STXBP4: variants seen among roughly 807,000 people sequenced by gnomAD.
STXBP4 encodes syntaxin-binding protein 4.
In STXBP4, 55 loss-of-function variants were observed where a neutral mutation model predicts 76.1. That is an observed-to-expected ratio of 0.72 (90% CI 0.58 to 0.91). The LOEUF (loss-of-function observed/expected upper bound fraction) is 0.91, where lower values mean the gene tolerates loss of function less well. Ranked by LOEUF, STXBP4 falls within the 40% of genes least tolerant of loss-of-function variation. The pLI, the probability that STXBP4 is intolerant of heterozygous loss-of-function variation, is 0.00. For synonymous variants in STXBP4, 201 were observed against 220.2 expected, an observed-to-expected ratio of 0.91 and a Z score of 0.77; for missense variants, 618 against 636.9, an observed-to-expected ratio of 0.97 and a Z score of 0.32.
At chr17:55,190,074 G>A in the STXBP4 span, among the ~76,000 whole-genome samples, 1 of 152,272 alleles carries the variant, frequency 6.6e-6, no homozygotes, top group East Asian at 1.9e-4. Flanking sequence ...TTCCAAGTGG[G>A]GAAATTTTAC....
At chr17:55,063,147 G>T (rs534348703) in intron 12 of STXBP4, among the ~76,000 whole-genome samples, 1 of 152,266 alleles carries the variant, frequency 6.6e-6, no homozygotes, top group East Asian at 1.9e-4. Context: ...TCCTGTTTGC[G>T]CAGACACCAA....
In STXBP4 at chr17:55,162,830, A is replaced by G. The variant is rs2080348441; in HGVS notation, c.*2919A>G. The G allele has an allele frequency of 6.6e-6, 1 of 152,232 alleles. No homozygotes were observed. Among genetic ancestry groups the G allele is most frequent in the African/African-American group, 2.4e-5 (1 of 41,462 alleles). The allele number at this position is 152,232 out of a possible 1,614,324, so 9.4% of individuals were successfully genotyped here. ...GTTGTGGTCATCTTTTCATGTCAAT[A>G]CATAGATTAATCTTTTATTTCAAAT... On this transcript the variant is annotated 3_prime_UTR_variant, in exon 18 of 18. Transcript: ENST00000376352.
rs186181992 is a variant in STXBP4 at position 54,999,554 on chromosome 17, A to G, written c.288-78A>G. 4,806 of 1,455,672 alleles carry G rather than the reference A, an allele frequency of 3.3e-3. 19 individuals are homozygous for G. The highest frequency in any genetic ancestry group is 4.1e-3 in the Non-Finnish European group (4,392 of 1,068,054). The allele number at this position is 1,455,672 out of a possible 1,614,324, so 90.2% of individuals were successfully genotyped here. A position where few individuals can be genotyped will look rare whatever the true frequency, so the allele number is the denominator to read the frequency against. On this transcript the variant is annotated intron_variant, in intron 5 of 17. Transcript: ENST00000376352. ...ACTTTATAATAAGTATTTTTTAATA[A>G]CATCTGAAACATTATCTTGGATTTC...
At chr17:55,080,279 C>T (rs1336463506) in intron 15 of STXBP4, among the ~76,000 whole-genome samples, 4 of 152,116 alleles carry the variant, frequency 2.6e-5, no homozygotes, top group African/African-American at 9.7e-5. Flanking sequence ...GCAGTCATTT[C>T]AATATAGCAT....
At chr17:55,011,965 G>A (rs1365745149) in intron 8 of STXBP4, among the ~76,000 whole-genome samples, 1 of 152,158 alleles carries the variant, frequency 6.6e-6, no homozygotes, top group Non-Finnish European at 1.5e-5. Context: ...CAGGAGGGGT[G>A]CCTTCGATGT....
At chr17:55,156,513 C>T (rs1448580550) in intron 17 of STXBP4, among the ~76,000 whole-genome samples, 2 of 152,136 alleles carry the variant, frequency 1.3e-5, no homozygotes, top group African/African-American at 4.8e-5. Flanking sequence ...ATCAATAAAA[C>T]TAGCTATGAT....
At chr17:55,209,988 G>T in the STXBP4 span, among the ~76,000 whole-genome samples, 2 of 152,176 alleles carry the variant, frequency 1.3e-5, no homozygotes, top group Non-Finnish European at 2.9e-5. Context: ...GCGTCTATGT[G>T]AGCATGTTCA....
chr17:55,121,253 G>GA (rs913722419), intron 16 of STXBP4, among the ~76,000 whole-genome samples: 4 of 151,958 alleles, frequency 2.6e-5, no homozygotes, highest in African/African-American at 9.7e-5. Context: ...AGATAAATGA[G>GA]AAAAAATATT....
At chr17:54,992,414 CAA>C (rs769344668) in intron 4 of STXBP4, among the ~76,000 whole-genome samples, 28 of 94,288 alleles carry the variant, frequency 3.0e-4, no homozygotes, top group Admixed American at 3.4e-4. Context: ...GACCCTGTCT[CAA>C]AAAAAAAAAA....
chr17:55,202,737 A>T, the STXBP4 span, among the ~76,000 whole-genome samples: 2 of 152,266 alleles, frequency 1.3e-5, no homozygotes, highest in East Asian at 1.9e-4. Context: ...ATCCCTTGAG[A>T]TCCTACCTTC....
rs2079166644 is a variant in STXBP4 at position 55,075,201 on chromosome 17, G to GAAAACTTTACTACCT, written c.1188+2138_1188+2139insCTAAAACTTTACTAC. ...TGGATTTATTCTTAACCATTTTCTT[G>GAAAACTTTACTACCT]AAAACTTTACTACTTGTGTATATAT... On this transcript the variant is annotated intron_variant, in intron 13 of 17. Transcript: ENST00000376352. 2.0e-5 allele frequency among the ~76,000 whole-genome samples: 3 copies of GAAAACTTTACTACCT among 151,876 alleles called. No individual in the cohort carries two copies. In the South Asian group the frequency reaches 6.2e-4, roughly 32 times the overall value.
At chr17:55,067,515 A>G (rs887184301) in intron 12 of STXBP4, among the ~76,000 whole-genome samples, 2 of 152,066 alleles carry the variant, frequency 1.3e-5, no homozygotes, top group Non-Finnish European at 2.9e-5. Context: ...GTACTTGGAT[A>G]TGGGAATCAT....
chr17:55,135,217 G>T (rs1440354199), intron 16 of STXBP4, among the ~76,000 whole-genome samples: 2 of 152,092 alleles, frequency 1.3e-5, no homozygotes, highest in Non-Finnish European at 1.5e-5. Context: ...TTTTAACAAT[G>T]ATGTTCCTTT....
chr17:55,050,351 A>G (rs1318242470), intron 12 of STXBP4, among the ~76,000 whole-genome samples: 1 of 152,110 alleles, frequency 6.6e-6, no homozygotes, highest in African/African-American at 2.4e-5. Flanking sequence ...AAAAATGTCC[A>G]TTAAACAAAT....
chr17:55,138,367 C>T (rs1330949022), intron 16 of STXBP4, among the ~76,000 whole-genome samples: 2 of 151,994 alleles, frequency 1.3e-5, no homozygotes, highest in African/African-American at 2.4e-5. Context: ...TAGAAAGGAA[C>T]TATTTTGTCT....
downstream of STXBP4, among the ~76,000 whole-genome samples, chr17:55,174,865 T>C (rs1387973498): frequency 1.3e-5 from 2 of 152,150 alleles, no homozygotes; most frequent in African/African-American, 4.8e-5. Flanking sequence ...TTTTAATCTA[T>C]TAAAAAATGT....
chr17:55,075,948 CA>C (rs2079176965), intron 13 of STXBP4, among the ~76,000 whole-genome samples: 1 of 152,064 alleles, frequency 6.6e-6, no homozygotes, highest in Admixed American at 6.6e-5. Flanking sequence ...GCCAGTTGAG[CA>C]TATATTTATC....
chr17:54,986,102 C>G (rs1459325931), intron 2 of STXBP4, 40 bp from the exon 3 acceptor site: 1 of 865,842 alleles, frequency 1.2e-6, no homozygotes, highest in African/African-American at 1.7e-5. Context: ...TTTGACAGTT[C>G]TAAGACCTGA....
chr17:55,058,494 T>G lies in STXBP4; in HGVS notation c.1011+11340T>G, dbSNP rs556565724. On this transcript the variant is annotated intron_variant, in intron 12 of 17. Coordinates refer to ENST00000376352, the MANE Select transcript of STXBP4 (RefSeq NM_178509.6). ...ATCTACCTGAAACTTTTTTGACAGA[T>G]GTAAAAGGGTTAAAAATATCTACAC... Among the ~76,000 whole-genome samples the G allele has an allele frequency of 5.4e-4, 82 of 152,044 alleles. 1 individual carries two copies. Among genetic ancestry groups the G allele is most frequent in the Admixed American group, 5.4e-3 (82 of 15,270 alleles).
Sources: allele counts gnomAD v4.1 joint callset (sites outside exome capture counted in the v4.1 genomes callset), GRCh38; gene constraint gnomAD v4.1.1; transcripts MANE v1.5; gene names NCBI Gene and HGNC (gene_info 2026-07-23, HGNC 2026-07-21).